Variants in ATAD3C observed in about 807,000 individuals in gnomAD.
The protein encoded by ATAD3C is ATPase family AAA domain-containing protein 3C.
Under a neutral mutation model 46.3 loss-of-function variants are expected in ATAD3C, and 38 were observed. That is an observed-to-expected ratio of 0.82 (90% CI 0.63 to 1.08). The LOEUF (loss-of-function observed/expected upper bound fraction) is 1.08. ATAD3C is among the 50% of genes least tolerant of loss of function. The probability of loss-of-function intolerance (pLI) is 0.00; values close to 1 mark genes in which losing one functional copy is unlikely to be tolerated. For synonymous variants in ATAD3C, 220 were observed against 236.4 expected, an observed-to-expected ratio of 0.93 and a Z score of 0.63; for missense variants, 563 against 572.7, an observed-to-expected ratio of 0.98 and a Z score of 0.17.
chr1:1,455,609 G>C lies in ATAD3C; in HGVS notation c.438+90G>C, dbSNP rs894902769. On this transcript the variant is annotated intron_variant, in intron 5 of 11. Coordinates refer to ENST00000378785, the MANE Select transcript of ATAD3C (RefSeq NM_001039211.3). ...GGCCCTTGCTGGCGCTCCTGGTGGC[G>C]CCCAGGATCTTTTGGGTCCTGAGAT... 5.6e-6 allele frequency: 9 copies of C among 1,594,018 alleles called. No homozygotes were observed. The East Asian group carries it at 2.0e-4, about 36-fold the overall frequency.
intron 2 of ATAD3C, 24 bp downstream of exon 2, chr1:1,452,146 C>A (rs376028681): frequency 6.2e-7 from 1 of 1,611,536 alleles, no homozygotes; most frequent in African/African-American, 1.3e-5. Context: ...AGGCCCGGGC[C>A]GGCCGCAGAT....
chr1:1,451,609 G>A lies in ATAD3C; in HGVS notation c.76-437G>A, dbSNP rs184232523. Reference sequence around the variant, plus strand: ...TGATCACCTGCGTCGGCCTCCCAAAGTGCTGGGATTACAGGTGTGAGCCAC... The same window carrying A: ...TGATCACCTGCGTCGGCCTCCCAAAATGCTGGGATTACAGGTGTGAGCCAC... On this transcript the variant is annotated intron_variant, in intron 1 of 11. Transcript: ENST00000378785. Among the ~76,000 whole-genome samples, 712 of 152,230 alleles carry A rather than the reference G, an allele frequency of 4.7e-3. 8 individuals carry two copies. The highest frequency in any genetic ancestry group is 0.016 in the African/African-American group (671 of 41,562).
At chr1:1,463,766 G>T (rs1639105601) in intron 11 of ATAD3C, among the ~76,000 whole-genome samples, 1 of 151,908 alleles carries the variant, frequency 6.6e-6, no homozygotes, top group African/African-American at 2.4e-5. Context: ...AAAAAAATTA[G>T]CTAGACCTAG....
rs748832336 is a variant in ATAD3C at position 1,455,874 on chromosome 1, G to A, written c.522G>A (p.Leu174=). The change falls in exon 6 of 12, where the codon CTG becomes CTA. Residue 174 remains leucine, a synonymous_variant. Coordinates refer to ENST00000378785, the MANE Select transcript of ATAD3C (RefSeq NM_001039211.3). The part of the protein sequence containing the change: ...KKNRGLYRHI[L]LYGPPGTGKT... ...ACCGGGGCCTGTACAGGCACATCCT[G>A]CTGTACGGGCCACCAGGCACCGGGA... 4.3e-6 allele frequency: 7 copies of A among 1,613,434 alleles called. No homozygotes were observed. In the South Asian group the frequency reaches 6.6e-5, roughly 15 times the overall value.
chr1:1,461,451 G>A (rs926919040), intron 10 of ATAD3C, among the ~76,000 whole-genome samples: 1 of 152,030 alleles, frequency 6.6e-6, no homozygotes, highest in Non-Finnish European at 1.5e-5. Context: ...GCCTCCCAAA[G>A]TGCAGGGATT....
chr1:1,464,193 T>G (rs1570158490), intron 11 of ATAD3C, among the ~76,000 whole-genome samples: 6 of 133,348 alleles, frequency 4.5e-5, no homozygotes, highest in Admixed American at 7.9e-5. Flanking sequence ...AGCAACAGAG[T>G]GAGACTGTCT....
At chr1:1,455,351 T>C (rs1638938047) in intron 4 of ATAD3C, 109 bp from the exon 5 acceptor site, 1 of 1,473,232 alleles carries the variant, frequency 6.8e-7, no homozygotes, top group Non-Finnish European at 9.2e-7. Flanking sequence ...CGGTCCTGGC[T>C]GTGATTCGGG....
rs2100487847 is a variant in ATAD3C, at chr1:1,462,270, T to G, written c.981-330T>G. Among the ~76,000 whole-genome samples, 1 of 152,122 alleles carries G rather than the reference T, an allele frequency of 6.6e-6. No homozygotes were observed. Among genetic ancestry groups the G allele is most frequent in the South Asian group, 2.1e-4 (1 of 4,800 alleles). ...CGTAGCTCTGGCACCATGACCTGGC[T>G]TCTGTGGCCTCCAGGCAGAAGCTTT... On this transcript the variant is annotated intron_variant, in intron 10 of 11. Transcript: ENST00000378785. This position sits in a 1 kb window ranked among gnomAD's most constrained non-coding sequence, Gnocchi z 4.5.
At chr1:1,452,868 C>T (rs370666235) in intron 3 of ATAD3C, among the ~76,000 whole-genome samples, 3 of 151,900 alleles carry the variant, frequency 2.0e-5, no homozygotes, top group East Asian at 1.9e-4. Context: ...TTGCAAAAAC[C>T]CTCTTTATTC....
In ATAD3C at chr1:1,468,459, C is replaced by G. The variant is rs770284905; in HGVS notation, c.1165C>G (p.Gln389Glu). The change falls in exon 12 of 12, where the codon CAG (glutamine) becomes GAG (glutamate). Residue 389 changes from glutamine to glutamate, a missense_variant. By Grantham distance (29) the Gln-to-Glu change is conservative (BLOSUM62 2). Coordinates refer to ENST00000378785, the MANE Select transcript of ATAD3C (RefSeq NM_001039211.3). ...MDACVQDFVQ[Q>E]HQQMMRWLKG... ...CGCCTGCGTGCAAGACTTTGTCCAG[C>G]AGCACCAGCAGATGATGCGCTGGCT... The G allele has an allele frequency of 1.9e-6, 3 of 1,612,882 alleles. No homozygotes were observed. In the South Asian group the frequency reaches 3.3e-5, roughly 18 times the overall value.
chr1:1,455,185 C>G (rs545615259), intron 4 of ATAD3C, among the ~76,000 whole-genome samples: 310 of 141,874 alleles, frequency 2.2e-3, no homozygotes, highest in African/African-American at 7.4e-3. Context: ...CCACTGCACT[C>G]CAGCCTGGGC....
rs781422464 is a variant in ATAD3C, at chr1:1,452,057, T to C, written c.87T>C (p.Asn29=). The change falls in exon 2 of 12, where the codon AAT becomes AAC. Residue 29 remains asparagine, a synonymous_variant. Transcript: ENST00000378785. The part of the protein sequence containing the change: ...EQQSKLKQLV[N]EDLRKQEESV... ...CGGCTTCTTCTCAGCAACTTGTCAA[T>C]GAGGATTTACGGAAGCAGGAGGAGT... The C allele has an allele frequency of 2.5e-6, 4 of 1,613,560 alleles. No individual in the cohort carries two copies. The South Asian group carries it at 3.3e-5, about 13-fold the overall frequency.
In ATAD3C at chr1:1,462,039, A is replaced by C. The variant is rs576854401; in HGVS notation, c.981-561A>C. On this transcript the variant is annotated intron_variant, in intron 10 of 11. Transcript: ENST00000378785. The surrounding 1 kb of genome is among the most constrained non-coding windows in gnomAD (Gnocchi z 4.5). The stretch of plus-strand genomic sequence containing the variant: ...GGCTGCTCTACTTCTTGGCGTCCCC[A>C]GGGCCCCGGTTTCTGAGTCCTTCTG... Among the ~76,000 whole-genome samples, 328 of 149,642 alleles carry C rather than the reference A, an allele frequency of 2.2e-3. 4 individuals are homozygous for C. The highest frequency in any genetic ancestry group is 7.8e-3 in the African/African-American group (307 of 39,172).
intron 1 of ATAD3C, among the ~76,000 whole-genome samples, chr1:1,451,201 C>T (rs1380098350): frequency 1.3e-5 from 2 of 151,644 alleles, no homozygotes; most frequent in African/African-American, 4.8e-5. Flanking sequence ...CCACCACGCC[C>T]AGCTAATTTT....
chr1:1,458,816 A>C (rs1639009662), intron 8 of ATAD3C, among the ~76,000 whole-genome samples: 1 of 150,348 alleles, frequency 6.7e-6, no homozygotes, highest in Non-Finnish European at 1.5e-5. Flanking sequence ...TCTGCCTCCC[A>C]GGTTTAAGTG....
chr1:1,469,124 A>T lies in ATAD3C; in HGVS notation c.*594A>T, dbSNP rs1201393864. On this transcript the variant is annotated 3_prime_UTR_variant, in exon 12 of 12. Coordinates refer to ENST00000378785, the MANE Select transcript of ATAD3C (RefSeq NM_001039211.3). Reference sequence around the variant, plus strand: ...TAAAAAAAAAAAAAAAAAAAAAAAAAAAAAAAAAAAAATTAGCCGGCCGTG... The same window carrying T: ...TAAAAAAAAAAAAAAAAAAAAAAAATAAAAAAAAAAAATTAGCCGGCCGTG... 6.9e-6 allele frequency: 1 copy of T among 144,040 alleles called. No individual in the cohort carries two copies. Among genetic ancestry groups the T allele is most frequent in the African/African-American group, 2.8e-5 (1 of 35,946 alleles). 8.9% of individuals were successfully genotyped at this position (144,040 alleles called of 1,614,324 possible). A position where few individuals can be genotyped will look rare whatever the true frequency, so the allele number is the denominator to read the frequency against.
intron 11 of ATAD3C, among the ~76,000 whole-genome samples, chr1:1,464,006 A>C (rs550865425): frequency 8.6e-4 from 130 of 151,220 alleles, no homozygotes; most frequent in African/African-American, 3.1e-3. Context: ...GGAGTTCGAG[A>C]CCAGCCTGGC....
At chr1:1,457,234 G>C in intron 8 of ATAD3C, 54 bp downstream of exon 8, 1 of 1,610,876 alleles carries the variant, frequency 6.2e-7, no homozygotes, top group East Asian at 2.2e-5. Context: ...GGTGTGTGCG[G>C]CTGTCATCCT....
Position 1,455,818 on chromosome 1 carries a change from A to G in ATAD3C, c.466A>G (p.Ile156Val). 8 of 1,613,472 alleles carry G rather than the reference A, an allele frequency of 5.0e-6. No individual in the cohort carries two copies. Among genetic ancestry groups the G allele is most frequent in the Non-Finnish European group, 6.8e-6 (8 of 1,179,682 alleles). Residue 156 changes from isoleucine (I) to valine (V), a missense_variant, in exon 6 of 12, where the codon ATC becomes GTC. Transcript: ENST00000378785. Reference sequence around the variant, plus strand: ...CAGCCTGGAAGCACGGGTGCGCGACATCGCCATAATGACAAGGAACATCAA... The same window carrying G: ...CAGCCTGGAAGCACGGGTGCGCGACGTCGCCATAATGACAAGGAACATCAA... ...SPSLEARVRD[I>V]AIMTRNIKKN...
Sources: allele counts gnomAD v4.1 joint callset (sites outside exome capture counted in the v4.1 genomes callset), GRCh38; gene constraint gnomAD v4.1.1; non-coding constraint Gnocchi (gnomAD v3.1); transcripts MANE v1.5; gene names NCBI Gene and HGNC (gene_info 2026-07-23, HGNC 2026-07-21).